The following DPP6 variants were observed in gnomAD, a reference collection of about 807,000 sequenced individuals.
The protein encoded by DPP6 is A-type potassium channel modulatory protein DPP6.
A neutral mutation model predicts 122.6 loss-of-function variants in DPP6; 69 were observed. The ratio of observed to expected loss-of-function variants is 0.56; its 90% CI spans 0.46 to 0.69. The LOEUF is 0.69. DPP6 is among the 30% of genes least tolerant of loss of function. The pLI is 0.00. For synonymous variants in DPP6, 418 were observed against 433.1 expected, an observed-to-expected ratio of 0.97 and a Z score of 0.43; for missense variants, 928 against 1,116.9, an observed-to-expected ratio of 0.83 and a Z score of 2.41.
intron 1 of DPP6, among the ~76,000 whole-genome samples, chr7:153,944,496 C>T (rs1325571166): frequency 2.0e-5 from 3 of 151,878 alleles, no homozygotes; most frequent in African/African-American, 4.8e-5. Flanking sequence ...CCACCTTCCT[C>T]GAAGGGGTGG....
intron 1 of DPP6, among the ~76,000 whole-genome samples, chr7:154,256,155 G>A (rs1025279645): frequency 3.3e-5 from 5 of 152,204 alleles, no homozygotes; most frequent in Non-Finnish European, 7.3e-5. Flanking sequence ...CTGACTATAA[G>A]AGGAGAAACC....
rs1317952464 is a variant in DPP6 at position 154,241,050 on chromosome 7, G to T, written c.243+187987G>T. On this transcript the variant is annotated intron_variant, in intron 1 of 25. Coordinates refer to ENST00000377770, the MANE Select transcript of DPP6 (RefSeq NM_130797.4). This position sits in a 1 kb window ranked among gnomAD's most constrained non-coding sequence, Gnocchi z 9.0. ...TTCTCAGTCATTATGTGATTTGTTG[G>T]AATATTGTGAAGTTCCGTTGATAAA... 6.6e-6 allele frequency among the ~76,000 whole-genome samples: 1 copy of T among 152,074 alleles called. No homozygotes were observed. Among genetic ancestry groups the T allele is most frequent in the African/African-American group, 2.4e-5 (1 of 41,398 alleles).
intron 1 of DPP6, among the ~76,000 whole-genome samples, chr7:154,324,502 C>T (rs1808251552): frequency 6.6e-6 from 1 of 152,202 alleles, no homozygotes; most frequent in Non-Finnish European, 1.5e-5. Flanking sequence ...CGGGGTGACC[C>T]CGGTGTGATC....
chr7:154,710,972 T>C (rs1841142296), intron 7 of DPP6, among the ~76,000 whole-genome samples: 1 of 152,228 alleles, frequency 6.6e-6, no homozygotes, highest in East Asian at 1.9e-4. Flanking sequence ...TCACTTTTAT[T>C]TACTACAGAA....
At chr7:154,245,109 C>T (rs1325869705) in intron 1 of DPP6, among the ~76,000 whole-genome samples, 4 of 151,614 alleles carry the variant, frequency 2.6e-5, no homozygotes, top group African/African-American at 9.7e-5. Flanking sequence ...CACCACCATG[C>T]CCAGCTAATT....
rs1286971051 is a variant in DPP6, at chr7:154,879,376, C to A, written c.2079-1512C>A. ...CGGGCGGATCACGAGGTCAGGAGAT[C>A]GAGACCATCCTGGCTAACACGGTGA... On this transcript the variant is annotated intron_variant, in intron 20 of 25. Coordinates refer to ENST00000377770, the MANE Select transcript of DPP6 (RefSeq NM_130797.4). 1.8e-5 allele frequency among the ~76,000 whole-genome samples: 2 copies of A among 112,434 alleles called. 1 individual carries two copies. Among genetic ancestry groups the A allele is most frequent in the Admixed American group, 2.1e-4 (2 of 9,748 alleles). 73.8% of individuals were successfully genotyped at this position (112,434 alleles called of 152,430 possible). A position where few individuals can be genotyped will look rare whatever the true frequency, so the allele number is the denominator to read the frequency against.
At chr7:153,979,774 A>G (rs187200644) in intron 1 of DPP6, among the ~76,000 whole-genome samples, 134 of 152,298 alleles carry the variant, frequency 8.8e-4, no homozygotes, top group African/African-American at 2.5e-3. Flanking sequence ...AATTTTATCA[A>G]AGGCCTTTTC....
At position 154,486,710 on chromosome 7, in the gene DPP6, C is replaced by T. The variant is rs1823829071; in HGVS notation, c.457+11673C>T. Among the ~76,000 whole-genome samples the T allele has an allele frequency of 6.6e-6, 1 of 152,192 alleles. No individual in the cohort carries two copies. Among genetic ancestry groups the T allele is most frequent in the African/African-American group, 2.4e-5 (1 of 41,452 alleles). On this transcript the variant is annotated intron_variant, in intron 3 of 25. Transcript: ENST00000377770. This position sits in a 1 kb window ranked among gnomAD's most constrained non-coding sequence, Gnocchi z 4.5. Reference sequence around the variant, plus strand: ...GGGTTGGACCACCTTGGGGATGCAGCCCACTTCGCAGAGGCTGGATGCACT... The same window carrying T: ...GGGTTGGACCACCTTGGGGATGCAGTCCACTTCGCAGAGGCTGGATGCACT...
intron 1 of DPP6, among the ~76,000 whole-genome samples, chr7:154,203,290 C>T (rs142974814): frequency 2.6e-5 from 4 of 152,246 alleles, no homozygotes; most frequent in African/African-American, 9.6e-5. Context: ...AAACAATGAT[C>T]CCATAAACCA....
intron 6 of DPP6, among the ~76,000 whole-genome samples, chr7:154,661,594 G>C (rs1283640390): frequency 1.4e-5 from 2 of 139,632 alleles, no homozygotes; most frequent in Non-Finnish European, 3.1e-5. Context: ...ATTGGCCGTA[G>C]TGTTCATATA....
At chr7:154,385,230 AT>A (rs201900342) in intron 1 of DPP6, among the ~76,000 whole-genome samples, 123 of 151,748 alleles carry the variant, frequency 8.1e-4, no homozygotes, top group African/African-American at 2.8e-3. Context: ...CGGCCTCCCA[AT>A]TTTTTTTCTT....
At chr7:154,790,853 G>A (rs888933578) in intron 10 of DPP6, among the ~76,000 whole-genome samples, 4 of 143,310 alleles carry the variant, frequency 2.8e-5, no homozygotes, top group African/African-American at 1.0e-4. Context: ...GGGAGGGAGG[G>A]GAGGGGAGGG....
At chr7:153,761,818 A>C in the DPP6 span, among the ~76,000 whole-genome samples, 2 of 152,236 alleles carry the variant, frequency 1.3e-5, no homozygotes, top group African/African-American at 4.8e-5. Flanking sequence ...CCTTGCTATT[A>C]TTCCTTTAAA....
intron 3 of DPP6, among the ~76,000 whole-genome samples, chr7:154,536,069 A>G (rs1828229261): frequency 6.6e-6 from 1 of 152,226 alleles, no homozygotes; most frequent in Admixed American, 6.5e-5. Context: ...TTGAATGCAT[A>G]AAAATTGAGG....
At chr7:154,340,188 A>G (rs1355378548) in intron 1 of DPP6, among the ~76,000 whole-genome samples, 1 of 152,250 alleles carries the variant, frequency 6.6e-6, no homozygotes, top group African/African-American at 2.4e-5. Flanking sequence ...TGGCAGTTAT[A>G]AAAGGACATA....
chr7:154,299,138 T>C (rs551968997), intron 1 of DPP6, among the ~76,000 whole-genome samples: 5 of 152,352 alleles, frequency 3.3e-5, no homozygotes, highest in African/African-American at 1.2e-4. Flanking sequence ...GGGTCCATTT[T>C]TGGTGCACTT....
chr7:154,764,135 G>A (rs987626401), intron 8 of DPP6, among the ~76,000 whole-genome samples: 15 of 152,154 alleles, frequency 9.9e-5, no homozygotes, highest in African/African-American at 3.4e-4. Context: ...GGATACAGAG[G>A]GGAGAGCTGT....
At chr7:154,279,964 A>G (rs561050351) in intron 1 of DPP6, among the ~76,000 whole-genome samples, 1 of 152,344 alleles carries the variant, frequency 6.6e-6, no homozygotes, top group African/African-American at 2.4e-5. Context: ...CAATGCTGAT[A>G]TCCTATTCAG....
intron 8 of DPP6, among the ~76,000 whole-genome samples, chr7:154,762,461 G>A (rs1276821900): frequency 1.3e-5 from 2 of 152,214 alleles, no homozygotes; most frequent in East Asian, 3.8e-4. Flanking sequence ...AAGTATCCAT[G>A]GAGGCATCTT....
Sources: allele counts gnomAD v4.1 joint callset (sites outside exome capture counted in the v4.1 genomes callset), GRCh38; gene constraint gnomAD v4.1.1; non-coding constraint Gnocchi (gnomAD v3.1); transcripts MANE v1.5; gene names NCBI Gene and HGNC (gene_info 2026-07-23, HGNC 2026-07-21).